SKAP1: variants seen among roughly 807,000 people sequenced by gnomAD.
SKAP1 encodes src kinase-associated phosphoprotein 1.
A neutral mutation model predicts 58.5 loss-of-function variants in SKAP1; 44 were observed. The observed-to-expected ratio is 0.75, with a 90% confidence interval of 0.59 to 0.97. SKAP1 has a LOEUF of 0.97. Ranked by LOEUF, SKAP1 falls within the 50% of genes least tolerant of loss-of-function variation. The probability of loss-of-function intolerance (pLI) is 0.00; values close to 1 mark genes in which losing one functional copy is unlikely to be tolerated. For missense variants in SKAP1, 390 were observed against 435.2 expected, an observed-to-expected ratio of 0.90 and a Z score of 0.92; for synonymous variants, 127 against 149.7, an observed-to-expected ratio of 0.85 and a Z score of 1.11.
At chr17:48,317,050 T>C (rs1194204861) in intron 4 of SKAP1, among the ~76,000 whole-genome samples, 1 of 152,162 alleles carries the variant, frequency 6.6e-6, no homozygotes, top group Non-Finnish European at 1.5e-5. Context: ...ATCCTGGCCA[T>C]GACAATCTGA....
chr17:48,308,101 T>C (rs1239826632), intron 4 of SKAP1: 1 of 152,230 alleles, frequency 6.6e-6, no homozygotes, highest in Non-Finnish European at 1.5e-5. Context: ...GATCTATAAA[T>C]GCCATTATTT....
intron 6 of SKAP1, among the ~76,000 whole-genome samples, chr17:48,185,358 A>G (rs1166137711): frequency 6.6e-6 from 1 of 152,206 alleles, no homozygotes; most frequent in Non-Finnish European, 1.5e-5. Flanking sequence ...AATTTATGCC[A>G]GAGGGAGAAT....
At chr17:48,283,593 C>T (rs1345852254) in intron 4 of SKAP1, among the ~76,000 whole-genome samples, 2 of 152,218 alleles carry the variant, frequency 1.3e-5, no homozygotes, top group Non-Finnish European at 2.9e-5. Flanking sequence ...CTATATTTCA[C>T]TCTAACTATA....
intron 2 of SKAP1, chr17:48,382,474 T>G (rs2067228343): frequency 6.6e-6 from 1 of 152,254 alleles, no homozygotes; most frequent in Admixed American, 6.5e-5. Context: ...AGAGCCAGCT[T>G]CATGCTCCGG....
intron 6 of SKAP1, among the ~76,000 whole-genome samples, chr17:48,185,668 T>G (rs902014242): frequency 1.3e-5 from 2 of 152,100 alleles, no homozygotes; most frequent in African/African-American, 4.8e-5. Flanking sequence ...AATAAATGCC[T>G]TTTGATGATG....
chr17:48,204,989 C>CTTTCTTTCTTTCTTTCTTTG (rs2064782850), intron 4 of SKAP1, among the ~76,000 whole-genome samples: 1 of 55,834 alleles, frequency 1.8e-5, no homozygotes, highest in Non-Finnish European at 3.5e-5. Context: ...TTCTTTCTTT[C>CTTTCTTTCTTTCTTTCTTTG]TTTCTTTCTT....
At chr17:48,186,456 T>G (rs2143500678) in intron 6 of SKAP1, among the ~76,000 whole-genome samples, 1 of 68,628 alleles carries the variant, frequency 1.5e-5, no homozygotes, top group South Asian at 3.7e-4. Context: ...GCTGCAGTTT[T>G]TATTTATTTA....
intron 12 of SKAP1, among the ~76,000 whole-genome samples, chr17:48,134,891 ATGGGGTTTCACCATGT>A (rs968219292): frequency 6.6e-5 from 10 of 151,804 alleles, no homozygotes; most frequent in African/African-American, 2.4e-4. Flanking sequence ...TTTAGTAGAG[ATGGGGTTTCACCATGT>A]TGGTGAGGCC....
chr17:48,438,672 T>C, the SKAP1 span, among the ~76,000 whole-genome samples: 3 of 152,222 alleles, frequency 2.0e-5, no homozygotes, highest in Non-Finnish European at 4.4e-5. Context: ...AACACTGATC[T>C]GGAAGGCGTG....
chr17:48,371,012 G>A lies in SKAP1; in HGVS notation c.153-7198C>T, dbSNP rs569037193. Among the ~76,000 whole-genome samples, 12 of 152,258 alleles carry A rather than the reference G, an allele frequency of 7.9e-5. No individual in the cohort carries two copies. The East Asian group carries it at 2.3e-3, about 29-fold the overall frequency. ...ATGCAGCTGGAGGCCATTATTCTAA[G>A]CAAATTAATGCAGAAACAGAAAACC... On this transcript the variant is annotated intron_variant, in intron 2 of 12. Transcript: ENST00000336915.
chr17:48,361,147 T>C (rs2066932353), intron 3 of SKAP1, among the ~76,000 whole-genome samples: 1 of 151,608 alleles, frequency 6.6e-6, no homozygotes, highest in African/African-American at 2.4e-5. Context: ...ACTTGTACCT[T>C]TTAAATGGGT....
At chr17:48,219,698 G>A (rs1016411180) in intron 4 of SKAP1, among the ~76,000 whole-genome samples, 111 of 152,210 alleles carry the variant, frequency 7.3e-4, no homozygotes, top group African/African-American at 2.5e-3. Flanking sequence ...TAGTCATAAA[G>A]TCATTACCTG....
Position 48,257,252 on chromosome 17 carries a change from T to C in SKAP1, c.281-67752A>G, listed in dbSNP as rs117991850. Among the ~76,000 whole-genome samples, 27 of 152,218 alleles carry C rather than the reference T, an allele frequency of 1.8e-4. No individual in the cohort carries two copies. The East Asian group carries it at 4.6e-3, about 26-fold the overall frequency. On this transcript the variant is annotated intron_variant, in intron 4 of 12. Coordinates refer to ENST00000336915, the MANE Select transcript of SKAP1 (RefSeq NM_003726.4). Reference sequence around the variant, plus strand: ...AAACTGAAGGATTCCTGACTTACTGTTCTCCATTTTAACCGCTAGATGTAT... The same window carrying C: ...AAACTGAAGGATTCCTGACTTACTGCTCTCCATTTTAACCGCTAGATGTAT...
At chr17:48,153,587 C>A (rs1003814698) in intron 11 of SKAP1, among the ~76,000 whole-genome samples, 1 of 152,140 alleles carries the variant, frequency 6.6e-6, no homozygotes, top group Non-Finnish European at 1.5e-5. Flanking sequence ...GTGGGGACAG[C>A]TTCTGCTTCT....
chr17:48,275,173 C>T (rs2065683497), intron 4 of SKAP1, among the ~76,000 whole-genome samples: 1 of 152,180 alleles, frequency 6.6e-6, no homozygotes, highest in South Asian at 2.1e-4. Flanking sequence ...CTTCCTCAAC[C>T]ATGGAGTTTT....
intron 4 of SKAP1, among the ~76,000 whole-genome samples, chr17:48,221,616 A>G (rs1321225914): frequency 4.6e-5 from 7 of 152,222 alleles, no homozygotes; most frequent in African/African-American, 1.7e-4. Flanking sequence ...ATGTTTTATA[A>G]GGAGGTTACT....
intron 7 of SKAP1, among the ~76,000 whole-genome samples, chr17:48,184,362 G>A (rs2064415436): frequency 6.6e-6 from 1 of 152,076 alleles, no homozygotes. Flanking sequence ...GGAAGGAAGT[G>A]AAGAAAATCA....
At chr17:48,158,048 A>G (rs920272687) in intron 11 of SKAP1, among the ~76,000 whole-genome samples, 4 of 151,610 alleles carry the variant, frequency 2.6e-5, no homozygotes, top group African/African-American at 9.7e-5. Context: ...ATGGGGGTGC[A>G]AGCCTGTAAT....
At chr17:48,305,871 T>A (rs2066133780) in intron 4 of SKAP1, among the ~76,000 whole-genome samples, 1 of 152,178 alleles carries the variant, frequency 6.6e-6, no homozygotes, top group Admixed American at 6.6e-5. Context: ...ATTTTCAATA[T>A]GGCCTGACCA....
Sources: allele counts gnomAD v4.1 joint callset (sites outside exome capture counted in the v4.1 genomes callset), GRCh38; gene constraint gnomAD v4.1.1; transcripts MANE v1.5; gene names NCBI Gene and HGNC (gene_info 2026-07-23, HGNC 2026-07-21).